PRKG1: variants seen among roughly 807,000 people sequenced by gnomAD.
PRKG1 encodes protein kinase cGMP-dependent 1, also known as cGMP-dependent protein kinase 1.
PRKG1 carries 35 observed loss-of-function variants against 88.1 expected under a neutral mutation model. That is an observed-to-expected ratio of 0.40 (90% CI 0.30 to 0.53). The LOEUF (loss-of-function observed/expected upper bound fraction) is 0.53, where lower values mean the gene tolerates loss of function less well. Ranked by LOEUF, PRKG1 falls within the 20% of genes least tolerant of loss-of-function variation. PRKG1 has a pLI of 0.59. For synonymous variants in PRKG1, 303 were observed against 292.5 expected, an observed-to-expected ratio of 1.04 and a Z score of -0.37; for missense variants, 540 against 839.8, an observed-to-expected ratio of 0.64 and a Z score of 4.41.
At chr10:51,380,101 T>A (rs1718126636) in intron 2 of PRKG1, among the ~76,000 whole-genome samples, 2 of 152,194 alleles carry the variant, frequency 1.3e-5, no homozygotes, top group South Asian at 4.1e-4. Context: ...CTAATTGCAC[T>A]CTCTCTCTAC....
intron 2 of PRKG1, among the ~76,000 whole-genome samples, chr10:51,382,579 AAAC>A (rs148988195): frequency 0.058 from 8,880 of 152,260 alleles, 547 homozygotes; most frequent in African/African-American, 0.16. Context: ...CTCATTTTAA[AAAC>A]AACCTCAAAC....
intron 8 of PRKG1, among the ~76,000 whole-genome samples, chr10:52,157,498 C>G (rs571100057): frequency 8.6e-5 from 13 of 150,790 alleles, no homozygotes; most frequent in African/African-American, 2.7e-4. Flanking sequence ...ACTGATGAAC[C>G]GAATTATATT....
intron 2 of PRKG1, among the ~76,000 whole-genome samples, chr10:51,431,112 G>A (rs1838757261): frequency 6.6e-6 from 1 of 152,176 alleles, no homozygotes; most frequent in African/African-American, 2.4e-5. Flanking sequence ...AAAAGAGAGA[G>A]AGAGAAAGGG....
chr10:51,595,231 C>T (rs1191282084), intron 3 of PRKG1, among the ~76,000 whole-genome samples: 3 of 151,984 alleles, frequency 2.0e-5, no homozygotes, highest in East Asian at 1.9e-4. Context: ...GCCTGTAGTC[C>T]CAGCTACTCA....
At chr10:52,241,766 T>C (rs541710653) in intron 9 of PRKG1, among the ~76,000 whole-genome samples, 1 of 152,198 alleles carries the variant, frequency 6.6e-6, no homozygotes, top group South Asian at 2.1e-4. Flanking sequence ...AGTCCTGCCT[T>C]AACTTTCTGT....
chr10:51,362,945 C>T (rs527834280), intron 2 of PRKG1, among the ~76,000 whole-genome samples: 11 of 151,888 alleles, frequency 7.2e-5, no homozygotes, highest in South Asian at 2.1e-4. Context: ...TGTAGTGTTA[C>T]GATCAGCTTA....
chr10:51,491,062 A>C (rs936501107), intron 3 of PRKG1, among the ~76,000 whole-genome samples: 6 of 152,042 alleles, frequency 3.9e-5, no homozygotes, highest in African/African-American at 1.2e-4. Flanking sequence ...CTCACTTTTC[A>C]TGTTGGCGTG....
In PRKG1 at chr10:51,664,021, A is replaced by T. The variant is rs148911394; in HGVS notation, c.593-140564A>T. Among the ~76,000 whole-genome samples, 100 of 152,130 alleles carry T rather than the reference A, an allele frequency of 6.6e-4. No homozygotes were observed. The East Asian group carries it at 0.011, about 16-fold the overall frequency. On this transcript the variant is annotated intron_variant, in intron 3 of 17. Transcript: ENST00000373980. ...TTGAGTTTTGTTTTTCTTTAGTTTT[A>T]TCTCCCTAAAATTTTGTAAATTGAA...
At chr10:51,890,295 C>T (rs538953789) in intron 4 of PRKG1, among the ~76,000 whole-genome samples, 6 of 152,154 alleles carry the variant, frequency 3.9e-5, no homozygotes, top group Non-Finnish European at 8.8e-5. Context: ...CTATTTCTAC[C>T]TAAATAATTC....
At chr10:51,194,146 A>C (rs968390942) in intron 2 of PRKG1, among the ~76,000 whole-genome samples, 2 of 152,150 alleles carry the variant, frequency 1.3e-5, no homozygotes, top group African/African-American at 4.8e-5. Context: ...TTATGTTTAA[A>C]AAACCACATC....
At chr10:51,722,228 CAAAA>C (rs58364400) in intron 3 of PRKG1, among the ~76,000 whole-genome samples, 1 of 133,664 alleles carries the variant, frequency 7.5e-6, no homozygotes. Flanking sequence ...GACTCTATCT[CAAAA>C]AAAAAAAAAC....
At chr10:51,243,096 T>C (rs1301051787) in intron 2 of PRKG1, among the ~76,000 whole-genome samples, 4 of 152,150 alleles carry the variant, frequency 2.6e-5, no homozygotes, top group African/African-American at 4.8e-5. Flanking sequence ...AATTAGTAGA[T>C]ATCAGTTAGA....
chr10:51,725,006 G>C (rs1842099333), intron 3 of PRKG1, among the ~76,000 whole-genome samples: 1 of 150,922 alleles, frequency 6.6e-6, no homozygotes, highest in Admixed American at 6.6e-5. Flanking sequence ...CACTGCACCT[G>C]GCCTCATTTA....
chr10:51,011,157 CTA>C (rs1420923518), intron 1 of PRKG1, among the ~76,000 whole-genome samples: 2 of 152,012 alleles, frequency 1.3e-5, no homozygotes, highest in East Asian at 3.9e-4. Context: ...AGCCTTGCAA[CTA>C]TGGATATTTT....
chr10:52,295,407 G>C lies in PRKG1; in HGVS notation c.*1507G>C, dbSNP rs1032031781. 1.3e-5 allele frequency: 2 copies of C among 151,964 alleles called. No homozygotes were observed. The highest frequency in any genetic ancestry group is 4.8e-5 in the African/African-American group (2 of 41,414). The allele number at this position is 151,964 out of a possible 1,614,324, so 9.4% of individuals were successfully genotyped here. ...ATACTACCTAAAAAAGACTAGATTTGAAAATGTCAAGCTGATTTACTTTAT... is the reference window on the plus strand; with the variant it reads ...ATACTACCTAAAAAAGACTAGATTTCAAAATGTCAAGCTGATTTACTTTAT... On this transcript the variant is annotated 3_prime_UTR_variant, in exon 18 of 18. Coordinates refer to ENST00000373980, the MANE Select transcript of PRKG1 (RefSeq NM_006258.4).
intron 4 of PRKG1, among the ~76,000 whole-genome samples, chr10:51,896,384 T>C (rs1299820610): frequency 6.6e-6 from 1 of 151,966 alleles, no homozygotes; most frequent in Admixed American, 6.6e-5. Context: ...CACAACTCTA[T>C]GCAGAAGGTG....
At chr10:52,288,294 A>G (rs919135695) in intron 14 of PRKG1, among the ~76,000 whole-genome samples, 2 of 152,068 alleles carry the variant, frequency 1.3e-5, no homozygotes, top group Non-Finnish European at 2.9e-5. Context: ...AGAGAAGGCT[A>G]TTGTTTCTGG....
At position 51,903,805 on chromosome 10, in the gene PRKG1, T is replaced by G. The variant is rs1288356986; in HGVS notation, c.699-3702T>G. 3.3e-5 allele frequency among the ~76,000 whole-genome samples: 5 copies of G among 152,226 alleles called. No homozygotes were observed. In the South Asian group the frequency reaches 8.3e-4, roughly 25 times the overall value. Reference sequence around the variant, plus strand: ...AGTATGTAGCTCAGTGAGTAAGCAATCAACTCCACCATCATTTACAGGGGA... The same window carrying G: ...AGTATGTAGCTCAGTGAGTAAGCAAGCAACTCCACCATCATTTACAGGGGA... On this transcript the variant is annotated intron_variant, in intron 4 of 17. Transcript: ENST00000373980.
intron 3 of PRKG1, among the ~76,000 whole-genome samples, chr10:51,673,381 G>T (rs1840631450): frequency 6.6e-6 from 1 of 152,172 alleles, no homozygotes; most frequent in Admixed American, 6.5e-5. Flanking sequence ...TACTTAGGTG[G>T]ATATCTGGAT....
Sources: gnomAD v4.1 joint callset for allele counts (sites outside exome capture counted in the v4.1 genomes callset) on GRCh38, gnomAD v4.1.1 for gene constraint, MANE v1.5 for transcripts, NCBI Gene and HGNC (gene_info 2026-07-23, HGNC 2026-07-21) for gene names.